Variants in ZNF624 observed in about 807,000 individuals in gnomAD.
ZNF624 encodes the protein zinc finger protein 624.
ZNF624 carries 43 observed loss-of-function variants against 74.7 expected under a neutral mutation model. The ratio of observed to expected loss-of-function variants is 0.58; its 90% confidence interval spans 0.45 to 0.74. The LOEUF is 0.74. Ranked by LOEUF, ZNF624 falls within the 30% of genes least tolerant of loss-of-function variation. ZNF624 has a pLI of 0.00. For synonymous variants in ZNF624, 331 were observed against 341.3 expected (o/e 0.97, Z 0.33); for missense variants, 820 against 1,030.0 (o/e 0.80, Z 2.79).
At chr17:16,653,299 G>T (rs973420563) in intron 1 of ZNF624, among the ~76,000 whole-genome samples, 2 of 150,910 alleles carry the variant, frequency 1.3e-5, no homozygotes, top group African/African-American at 4.8e-5. Context: ...ATCCCTGCCA[G>T]TTCAGAAGCC....
At chr17:16,650,492 G>GA (rs931736845) in intron 1 of ZNF624, among the ~76,000 whole-genome samples, 192 of 151,328 alleles carry the variant, frequency 1.3e-3, no homozygotes, top group African/African-American at 4.5e-3. Context: ...TTTTTATATT[G>GA]AAAAAAAAGT....
At chr17:16,647,424 T>G (rs766748102) in intron 2 of ZNF624, 30 bp from the exon 3 acceptor site, 8 of 1,601,834 alleles carry the variant, frequency 5.0e-6, no homozygotes, top group Admixed American at 3.3e-5. Context: ...GATCATTCAG[T>G]GATAGGCTGC....
Position 16,633,930 on chromosome 17 carries a change from A to C in ZNF624, c.308T>G (p.Ile103Arg). The C allele has an allele frequency of 3.1e-6, 5 of 1,613,546 alleles. No homozygotes were observed. The highest frequency in any genetic ancestry group is 4.2e-6 in the Non-Finnish European group (5 of 1,179,650). The change falls in exon 5 of 6, where the codon ATA becomes AGA. Residue 103 changes from isoleucine to arginine, a missense_variant. Coordinates refer to ENST00000311331, the MANE Select transcript of ZNF624 (RefSeq NM_020787.4). ...LGLAVSKPDM[I>R]SHLENGKGPW... Reference sequence around the variant, plus strand: ...TCCTTTCCCATTCTCCAAATGAGATATCATGTCTGGTTTGGAAACTGCAAG... The same window carrying C: ...TCCTTTCCCATTCTCCAAATGAGATCTCATGTCTGGTTTGGAAACTGCAAG...
In ZNF624 at chr17:16,653,834, G is replaced by C. The variant is rs1198519857; in HGVS notation, c.-73C>G. 6.5e-6 allele frequency: 1 copy of C among 152,812 alleles called. No individual in the cohort carries two copies. Among genetic ancestry groups the C allele is most frequent in the African/African-American group, 2.4e-5 (1 of 41,482 alleles). The allele number at this position is 152,812 out of a possible 1,614,324, so 9.5% of individuals were successfully genotyped here. ...CGGGAACGCTTCCAGCAATGGCGGC[G>C]GCTCGGCGGTGCCGGCCTCCAGGCA... On this transcript the variant is annotated 5_prime_UTR_variant, in exon 1 of 6. Transcript: ENST00000311331.
At chr17:16,632,988 C>G (rs946946160) in intron 5 of ZNF624, among the ~76,000 whole-genome samples, 2 of 152,182 alleles carry the variant, frequency 1.3e-5, no homozygotes, top group African/African-American at 4.8e-5. Flanking sequence ...TGGAATACTT[C>G]TCTTTTCCTC....
downstream of ZNF624, chr17:16,617,668 C>G: frequency 6.3e-7 from 1 of 1,599,688 alleles, no homozygotes; most frequent in Non-Finnish European, 8.5e-7. Context: ...CGACGCGGGC[C>G]CCGGGCGTGC....
chr17:16,616,345 G>A (rs1487461916), downstream of ZNF624, among the ~76,000 whole-genome samples: 2 of 151,908 alleles, frequency 1.3e-5, no homozygotes, highest in African/African-American at 4.8e-5. Flanking sequence ...ATTTAATAGT[G>A]ACCTATTCAA....
At chr17:16,614,269 T>TA in the ZNF624 span, among the ~76,000 whole-genome samples, 4 of 151,842 alleles carry the variant, frequency 2.6e-5, no homozygotes, top group Non-Finnish European at 5.9e-5. Flanking sequence ...GGTGGGTTTT[T>TA]AAAAAAAATT....
At chr17:16,617,210 G>A (rs1179478813), downstream of ZNF624, 7 of 1,612,496 alleles carry the variant, frequency 4.3e-6, no homozygotes, top group South Asian at 1.1e-5. Context: ...GACCTGGAAC[G>A]GGAGCGACTT....
Position 16,621,050 on chromosome 17 carries a change from CT to C in ZNF624, c.*1237del, listed in dbSNP as rs1908898077. 1.3e-5 allele frequency: 2 copies of C among 152,148 alleles called. No individual in the cohort carries two copies. The highest frequency in any genetic ancestry group is 3.8e-4 in the East Asian group (2 of 5,202). 9.4% of individuals were successfully genotyped at this position (152,148 alleles called of 1,614,324 possible). On this transcript the variant is annotated 3_prime_UTR_variant, in exon 6 of 6. Coordinates refer to ENST00000311331, the MANE Select transcript of ZNF624 (RefSeq NM_020787.4). ...CAATATTAACAGCCTGGTGTATATT[CT>C]TCCATACCTGTCTCCATGTGCATCT...
chr17:16,640,332 C>G (rs1368611893), intron 3 of ZNF624, among the ~76,000 whole-genome samples: 2 of 151,746 alleles, frequency 1.3e-5, no homozygotes, highest in Non-Finnish European at 2.9e-5. Context: ...AATCAGTAAC[C>G]TAAATTTATA....
chr17:16,640,155 A>G (rs1282969112), intron 3 of ZNF624, among the ~76,000 whole-genome samples: 1 of 152,236 alleles, frequency 6.6e-6, no homozygotes, highest in Non-Finnish European at 1.5e-5. Context: ...AGACATAACA[A>G]ATTTAAACAT....
intron 5 of ZNF624, among the ~76,000 whole-genome samples, chr17:16,625,278 T>G (rs1001014055): frequency 1.3e-5 from 2 of 152,050 alleles, no homozygotes; most frequent in Non-Finnish European, 2.9e-5. Context: ...ACCTCCTGGG[T>G]TCAAGCAATT....
downstream of ZNF624, chr17:16,617,151 T>A (rs567940783): frequency 1.9e-6 from 3 of 1,613,080 alleles, no homozygotes; most frequent in East Asian, 6.7e-5. Context: ...TGCTCTTTGA[T>A]CTAGATTTCC....
intron 3 of ZNF624, among the ~76,000 whole-genome samples, chr17:16,638,719 T>TG (rs1909396065): frequency 8.6e-6 from 1 of 116,910 alleles, no homozygotes; most frequent in Admixed American, 8.2e-5. Flanking sequence ...GTTGTGGGGT[T>TG]GGGGGAGGGA....
chr17:16,617,340 A>G (rs911035855), downstream of ZNF624: 1 of 1,613,538 alleles, frequency 6.2e-7, no homozygotes, highest in Non-Finnish European at 8.5e-7. Context: ...TGCGTGGCTT[A>G]TCTTCAATAA....
chr17:16,648,750 TC>T lies in ZNF624; in HGVS notation c.87+907del. Among the ~76,000 whole-genome samples, 2 of 151,998 alleles carry T rather than the reference TC, an allele frequency of 1.3e-5. 1 individual carries two copies. The highest frequency in any genetic ancestry group is 4.2e-4 in the South Asian group (2 of 4,802). ...ACATTAATAATAATCCCAAGGACAC[TC>T]AAACACACACACACACACATTTAAA... On this transcript the variant is annotated intron_variant, in intron 2 of 5. Transcript: ENST00000311331.
downstream of ZNF624, chr17:16,617,923 C>T (rs565415646): frequency 7.6e-7 from 1 of 1,312,144 alleles, no homozygotes; most frequent in South Asian, 1.2e-5. Flanking sequence ...TGTGGAACGG[C>T]GGACCGCAAG....
At position 16,647,361 on chromosome 17, in the gene ZNF624, G is replaced by A; in HGVS notation, c.121C>T (p.His41Tyr). 1 of 1,614,148 alleles carries A rather than the reference G, an allele frequency of 6.2e-7. No individual in the cohort carries two copies. Among genetic ancestry groups the A allele is most frequent in the Non-Finnish European group, 8.5e-7 (1 of 1,180,006 alleles). ...AATTGTGTTTCTTCTGCCTGAAGGT[G>A]AAGATCTTCATCTGGCTGGGTAACT... ...PEVTQPDEDL[H>Y]LQAEETQLVK... Residue 41 changes from histidine (H) to tyrosine (Y), a missense_variant, in exon 3 of 6, where the codon CAC becomes TAC. Coordinates refer to ENST00000311331, the MANE Select transcript of ZNF624 (RefSeq NM_020787.4).
Sources: gnomAD v4.1 joint callset for allele counts (sites outside exome capture counted in the v4.1 genomes callset) on GRCh38, gnomAD v4.1.1 for gene constraint, MANE v1.5 for transcripts, NCBI Gene and HGNC (gene_info 2026-07-23, HGNC 2026-07-21) for gene names.